Variants in DYNLT5 observed in about 807,000 individuals in gnomAD.
DYNLT5 encodes dynein light chain Tctex-type family member 5, also known as dynein light chain Tctex-type 5.
A neutral mutation model predicts 19.3 loss-of-function variants in DYNLT5; 25 were observed. The observed-to-expected ratio is 1.30, with a 90% CI of 0.95 to 1.81. The LOEUF is 1.81. Among genes scored for constraint, DYNLT5 ranks in the 40% most tolerant of loss-of-function variants. The pLI is 0.00. For missense variants in DYNLT5, 232 were observed against 217.9 expected, an observed-to-expected ratio of 1.06 and a Z score of -0.41; for synonymous variants, 82 against 68.9, an observed-to-expected ratio of 1.19 and a Z score of -0.94.
rs1645221329 is a variant in DYNLT5 at position 66,774,115 on chromosome 1, A to G, written c.212-2164A>G. 2.0e-5 allele frequency among the ~76,000 whole-genome samples: 3 copies of G among 152,124 alleles called. No individual in the cohort carries two copies. In the South Asian group the frequency reaches 6.2e-4, roughly 31 times the overall value. ...AACGGGAACTACTGGAAACAGACTC[A>G]AGTGCCACCAGGACCCTCTTTCCAG... On this transcript the variant is annotated intron_variant, in intron 3 of 4. Coordinates refer to ENST00000282670, the MANE Select transcript of DYNLT5 (RefSeq NM_152665.3).
chr1:66,773,279 G>A (rs1367248845), intron 3 of DYNLT5, among the ~76,000 whole-genome samples: 1 of 152,110 alleles, frequency 6.6e-6, no homozygotes, highest in Non-Finnish European at 1.5e-5. Flanking sequence ...CCTTGAGAAT[G>A]AAGCCAGCAC....
intron 3 of DYNLT5, among the ~76,000 whole-genome samples, chr1:66,772,974 G>A (rs562605079): frequency 1.3e-5 from 2 of 152,048 alleles, no homozygotes; most frequent in Non-Finnish European, 2.9e-5. Flanking sequence ...AGGGATAATA[G>A]TCTATACATC....
At position 66,777,413 on chromosome 1, in the gene DYNLT5, C is replaced by A. The variant is rs747788950; in HGVS notation, c.499C>A (p.Leu167Ile). The stretch of plus-strand genomic sequence containing the variant: ...ATCTTATGTTTTCAGAAATTCTTCT[C>A]TCTTCGCTCTTGCAAATGTCTATGC... ...FSSYVFRNSS[L>I]FALANVYAVY... Residue 167 changes from leucine to isoleucine, a missense_variant, in exon 5 of 5, where the codon CTC becomes ATC. Transcript: ENST00000282670. 1 of 1,613,820 alleles carries A rather than the reference C, an allele frequency of 6.2e-7. No homozygotes were observed. The highest frequency in any genetic ancestry group is 8.5e-7 in the Non-Finnish European group (1 of 1,179,824).
chr1:66,775,954 G>C (rs1645231960), intron 3 of DYNLT5, among the ~76,000 whole-genome samples: 1 of 152,142 alleles, frequency 6.6e-6, no homozygotes, highest in African/African-American at 2.4e-5. Context: ...AGATATAAGA[G>C]GTAGAGAGCC....
At chr1:66,755,786 T>C (rs2094635128) in intron 2 of DYNLT5, 1 of 152,220 alleles carries the variant, frequency 6.6e-6, no homozygotes, top group Admixed American at 6.5e-5. Context: ...GGGAGAATGA[T>C]TAATCTTTGT....
chr1:66,767,739 T>C (rs1314427753), intron 2 of DYNLT5, among the ~76,000 whole-genome samples: 1 of 152,240 alleles, frequency 6.6e-6, no homozygotes, highest in Non-Finnish European at 1.5e-5. Flanking sequence ...CAGAGGCTTC[T>C]TTCTTATCTG....
In DYNLT5 at chr1:66,752,571, C is replaced by G; in HGVS notation, c.-17C>G. ...GAGGTCTGGGAGGCTCCGGGCGAAG[C>G]CTCCCTGCTGCAGGTAGGGTCGCCT... On this transcript the variant is annotated 5_prime_UTR_variant, in exon 1 of 5. Coordinates refer to ENST00000282670, the MANE Select transcript of DYNLT5 (RefSeq NM_152665.3). 6.1e-6 allele frequency: 6 copies of G among 985,520 alleles called. No individual in the cohort carries two copies. The highest frequency in any genetic ancestry group is 7.2e-6 in the Non-Finnish European group (6 of 829,970). The allele number at this position is 985,520 out of a possible 1,614,324, so 61.0% of individuals were successfully genotyped here.
intron 3 of DYNLT5, among the ~76,000 whole-genome samples, chr1:66,771,242 A>G (rs1204627398): frequency 1.3e-5 from 2 of 152,196 alleles, no homozygotes; most frequent in Non-Finnish European, 2.9e-5. Context: ...CCAAGACTAC[A>G]TGGATTACAC....
chr1:66,769,531 A>C (rs1645190276), intron 2 of DYNLT5, among the ~76,000 whole-genome samples: 1 of 151,884 alleles, frequency 6.6e-6, no homozygotes, highest in Admixed American at 6.6e-5. Context: ...ACACACACAC[A>C]CACAAACACA....
chr1:66,767,914 A>G (rs1645175380), intron 2 of DYNLT5, among the ~76,000 whole-genome samples: 2 of 152,202 alleles, frequency 1.3e-5, no homozygotes, highest in South Asian at 4.1e-4. Flanking sequence ...TCATTCACTC[A>G]TAAGCCACAT....
chr1:66,771,165 C>G (rs1284670466), intron 3 of DYNLT5, among the ~76,000 whole-genome samples: 2 of 152,174 alleles, frequency 1.3e-5, no homozygotes, highest in Non-Finnish European at 2.9e-5. Flanking sequence ...GGCCAGTTAA[C>G]CCCAAGAAAA....
chr1:66,766,450 G>C (rs1244642797), intron 2 of DYNLT5, among the ~76,000 whole-genome samples: 1 of 152,136 alleles, frequency 6.6e-6, no homozygotes, highest in Non-Finnish European at 1.5e-5. Flanking sequence ...CAAAGGATTT[G>C]AGTGAAGCTG....
intron 2 of DYNLT5, among the ~76,000 whole-genome samples, chr1:66,761,592 G>A (rs1014598993): frequency 3.3e-5 from 5 of 152,088 alleles, no homozygotes; most frequent in African/African-American, 1.2e-4. Context: ...AGACCAGCCT[G>A]GACAACATAG....
Position 66,770,388 on chromosome 1 carries a change from T to A in DYNLT5, c.121T>A (p.Ser41Thr). The A allele has an allele frequency of 1.2e-6, 2 of 1,607,994 alleles. No individual in the cohort carries two copies. Among genetic ancestry groups the A allele is most frequent in the South Asian group, 2.2e-5 (2 of 90,244 alleles). The change falls in exon 3 of 5, where the codon TCT (serine) becomes ACT (threonine). Residue 41 changes from serine to threonine, a missense_variant and splice_region_variant. Transcript: ENST00000282670. Reference protein sequence around the residue: ...RKEIHGRIKDSMSTVSYMEEP... With the variant: ...RKEIHGRIKDTMSTVSYMEEP... ...ATTTGTTTTCTCCCTTGTTTTTAGT[T>A]CTATGAGTACTGTGTCTTATATGGA...
chr1:66,754,522 C>G (rs1284264089), intron 1 of DYNLT5, 134 bp from the exon 2 acceptor site: 1 of 850,830 alleles, frequency 1.2e-6, no homozygotes, highest in Non-Finnish European at 1.6e-6. Flanking sequence ...ATATATTGCT[C>G]TTGAGGAAAC....
chr1:66,776,453 A>G, intron 4 of DYNLT5, 50 bp downstream of exon 4: 1 of 1,553,164 alleles, frequency 6.4e-7, no homozygotes, highest in Non-Finnish European at 8.7e-7. Flanking sequence ...AATATTTGCT[A>G]AAGTACAACG....
chr1:66,753,180 A>G (rs1444889289), intron 1 of DYNLT5, among the ~76,000 whole-genome samples: 1 of 151,996 alleles, frequency 6.6e-6, no homozygotes, highest in East Asian at 1.9e-4. Context: ...TGCCTGCCTC[A>G]CCCACACACA....
chr1:66,754,048 C>T (rs1182064053), intron 1 of DYNLT5, among the ~76,000 whole-genome samples: 1 of 152,056 alleles, frequency 6.6e-6, no homozygotes, highest in African/African-American at 2.4e-5. Context: ...AGTTCAAGAC[C>T]AGCCTGGGCA....
intron 2 of DYNLT5, among the ~76,000 whole-genome samples, chr1:66,763,484 A>C (rs954151109): frequency 6.6e-6 from 1 of 152,240 alleles, no homozygotes; most frequent in African/African-American, 2.4e-5. Context: ...CTTCTGAAAT[A>C]AGACTGTTTC....
Sources: gnomAD v4.1 joint callset for allele counts (sites outside exome capture counted in the v4.1 genomes callset) on GRCh38, gnomAD v4.1.1 for gene constraint, MANE v1.5 for transcripts, NCBI Gene and HGNC (gene_info 2026-07-23, HGNC 2026-07-21) for gene names.